OGDHL: variants seen among roughly 807,000 people sequenced by gnomAD.
The protein encoded by OGDHL is oxoglutarate dehydrogenase L.
OGDHL carries 79 observed loss-of-function variants against 109.6 expected under a neutral mutation model. The ratio of observed to expected loss-of-function variants is 0.72; its 90% CI spans 0.60 to 0.87. The LOEUF is 0.87. OGDHL is among the 40% of genes least tolerant of loss of function. The pLI is 0.00. For synonymous variants in OGDHL, 528 were observed against 537.2 expected (o/e 0.98, Z 0.24); for missense variants, 1,275 against 1,362.2 (o/e 0.94, Z 1.01).
In OGDHL at chr10:49,749,814, C is replaced by A. The variant is rs1304728737; in HGVS notation, c.899G>T (p.Gly300Val). 2 of 1,591,034 alleles carry A rather than the reference C, an allele frequency of 1.3e-6. No individual in the cohort carries two copies. The highest frequency in any genetic ancestry group is 1.7e-5 in the Admixed American group (1 of 57,882). The change falls in exon 8 of 23, where the codon GGA becomes GTA. Residue 300 changes from glycine (G) to valine (V), a missense_variant and splice_region_variant. By Grantham distance (109) the Gly-to-Val change is moderately radical. Coordinates refer to ENST00000374103, the MANE Select transcript of OGDHL (RefSeq NM_018245.3). ...CACGTTGGCCAGCACGTTCAGCCTTCCCCTGGAGCCAGAGGGGCCGGGCTC... is the reference window on the plus strand; with the variant it reads ...CACGTTGGCCAGCACGTTCAGCCTTACCCTGGAGCCAGAGGGGCCGGGCTC... ...ENVILGMPHRGRLNVLANVIR... is the reference protein window; with the variant it reads ...ENVILGMPHRVRLNVLANVIR...
chr10:49,738,421 C>A (rs1230073771), intron 17 of OGDHL, 159 bp from the exon 18 acceptor site: 2 of 683,358 alleles, frequency 2.9e-6, no homozygotes, highest in Non-Finnish European at 5.0e-6. Context: ...GAATGTGGAA[C>A]AAGAGCAGAA....
chr10:49,737,664 G>C, intron 20 of OGDHL, 122 bp downstream of exon 20: 1 of 1,037,630 alleles, frequency 9.6e-7, no homozygotes, highest in Middle Eastern at 3.0e-4. Context: ...CATGCCAGGA[G>C]CTGCTGCAGG....
intron 10 of OGDHL, among the ~76,000 whole-genome samples, chr10:49,746,234 T>C (rs1229918611): frequency 1.3e-5 from 2 of 152,204 alleles, no homozygotes; most frequent in Non-Finnish European, 1.5e-5. Context: ...GTGAGGAACA[T>C]AGGCCTGGAA....
intron 3 of OGDHL, among the ~76,000 whole-genome samples, chr10:49,753,544 A>T (rs918737867): frequency 1.3e-5 from 2 of 152,232 alleles, no homozygotes; most frequent in African/African-American, 4.8e-5. Flanking sequence ...AAAGACAAAC[A>T]GAAAAAAATT....
In OGDHL at chr10:49,739,821, G is replaced by A. The variant is rs1314617067; in HGVS notation, c.2159C>T (p.Ala720Val). The A allele has an allele frequency of 1.9e-6, 3 of 1,613,852 alleles. No individual in the cohort carries two copies. Among genetic ancestry groups the A allele is most frequent in the Non-Finnish European group, 2.5e-6 (3 of 1,179,862 alleles). The change falls in exon 17 of 23, where the codon GCC becomes GTC. Residue 720 changes from alanine to valine, a missense_variant. Coordinates refer to ENST00000374103, the MANE Select transcript of OGDHL (RefSeq NM_018245.3). ...YGVLGFELGYAMASPNALVLW... is the reference protein window; with the variant it reads ...YGVLGFELGYVMASPNALVLW... ...GACCAGGGCATTGGGGCTGGCCATG[G>A]CATAGCCCAGCTCAAAGCCTAAACA...
In OGDHL at chr10:49,736,085, C is replaced by A. The variant is rs916636493; in HGVS notation, c.2847G>T (p.Met949Ile). ...GTGGGCTGATGTAGTCATAGTAGCC[C>A]ATGTTCTTGTGCTCCTCCTGACACC... ...LAWCQEEHKNMGYYDYISPRF... is the reference protein window; with the variant it reads ...LAWCQEEHKNIGYYDYISPRF... Residue 949 changes from methionine to isoleucine, a missense_variant, in exon 22 of 23, where the codon ATG becomes ATT. Physicochemically the swap from Met to Ile is conservative, Grantham distance 10 (BLOSUM62 1). Coordinates refer to ENST00000374103, the MANE Select transcript of OGDHL (RefSeq NM_018245.3). The A allele has an allele frequency of 2.5e-6, 4 of 1,612,084 alleles. No homozygotes were observed. Among genetic ancestry groups the A allele is most frequent in the Non-Finnish European group, 3.4e-6 (4 of 1,178,958 alleles).
Position 49,750,958 on chromosome 10 carries a change from C to T in OGDHL, c.777G>A (p.Trp259Ter), listed in dbSNP as rs1358308101. 6.2e-7 allele frequency: 1 copy of T among 1,607,900 alleles called. No individual in the cohort carries two copies. The highest frequency in any genetic ancestry group is 8.5e-7 in the Non-Finnish European group (1 of 1,176,050). The part of the protein sequence containing the change: ...MRFEDFLARK[W>*]SSEKRFGLEG... The stretch of plus-strand genomic sequence containing the variant: ...CCAGGCCAAACCGCTTCTCTGAGGA[C>T]CATTTCCGGGCCAGGAAGTCTTCAA... Residue 259 changes from tryptophan (W) to a stop codon, truncating the protein, a stop_gained, in exon 7 of 23, where the codon TGG (tryptophan) becomes TGA (stop). Transcript: ENST00000374103. LOFTEE classifies it high-confidence loss of function.
intron 14 of OGDHL, among the ~76,000 whole-genome samples, chr10:49,743,381 C>T (rs1229457548): frequency 1.4e-5 from 2 of 138,876 alleles, no homozygotes; most frequent in African/African-American, 4.9e-5. Context: ...CAGCAGCTGC[C>T]CCAGGACATT....
intron 14 of OGDHL, chr10:49,743,536 G>A (rs993606260): frequency 1.2e-5 from 2 of 169,012 alleles, no homozygotes; most frequent in Non-Finnish European, 2.5e-5. Flanking sequence ...GGATGCAGTC[G>A]GTGACCACCC....
At chr10:49,756,216 C>T (rs976186582) in intron 3 of OGDHL, among the ~76,000 whole-genome samples, 12 of 152,170 alleles carry the variant, frequency 7.9e-5, no homozygotes, top group South Asian at 4.1e-4. Context: ...GCCTGAACAC[C>T]GCAGCAGTCC....
At chr10:49,760,736 C>T (rs982179959) in intron 1 of OGDHL, among the ~76,000 whole-genome samples, 2 of 152,216 alleles carry the variant, frequency 1.3e-5, no homozygotes, top group Non-Finnish European at 2.9e-5. Context: ...GTGCAAGAGG[C>T]TAAGCTGGCT....
intron 20 of OGDHL, 32 bp downstream of exon 20, chr10:49,737,754 G>T (rs376816639): frequency 3.7e-6 from 6 of 1,613,022 alleles, no homozygotes; most frequent in Non-Finnish European, 5.1e-6. Flanking sequence ...CCCCATTGTG[G>T]GCTACCCCAC....
intron 8 of OGDHL, among the ~76,000 whole-genome samples, chr10:49,748,684 T>C (rs1564545011): frequency 6.7e-6 from 1 of 149,914 alleles, no homozygotes; most frequent in Non-Finnish European, 1.5e-5. Context: ...CTGAAGGTGC[T>C]AGAACAAAAG....
chr10:49,752,514 G>A, intron 4 of OGDHL, 124 bp downstream of exon 4: 1 of 816,142 alleles, frequency 1.2e-6, no homozygotes. Flanking sequence ...GTAGAAAGGA[G>A]GCCCTGTGGG....
chr10:49,745,891 A>G lies in OGDHL; in HGVS notation c.1383T>C (p.His461=), dbSNP rs1842144673. 6 of 1,614,128 alleles carry G rather than the reference A, an allele frequency of 3.7e-6. No homozygotes were observed. The highest frequency in any genetic ancestry group is 5.1e-6 in the Non-Finnish European group (6 of 1,180,026). ...CAGCCTCTGGGTCATCGGCATTCAC[A>G]TGGAAGATAGGCGCATTGACCACCC... is the stretch of plus-strand genomic sequence containing the variant. ...VARVVNAPIF[H]VNADDPEAVI... The change falls in exon 11 of 23, where the codon CAT becomes CAC. Residue 461 remains histidine, a synonymous_variant. Coordinates refer to ENST00000374103, the MANE Select transcript of OGDHL (RefSeq NM_018245.3).
Position 49,737,933 on chromosome 10 carries a change from G to A in OGDHL, c.2517+14C>T. Reference sequence around the variant, plus strand: ...CCCCCTGCCTGTGACCCCTGCCCTGGGACGGAGACTCACCGGCTTGCGGAA... The same window carrying A: ...CCCCCTGCCTGTGACCCCTGCCCTGAGACGGAGACTCACCGGCTTGCGGAA... On this transcript the variant is annotated intron_variant, in intron 19 of 22. Transcript: ENST00000374103. 6.2e-7 allele frequency: 1 copy of A among 1,614,160 alleles called. No individual in the cohort carries two copies. The highest frequency in any genetic ancestry group is 8.5e-7 in the Non-Finnish European group (1 of 1,180,016).
chr10:49,761,001 A>G (rs189619802), intron 1 of OGDHL, among the ~76,000 whole-genome samples: 1 of 152,334 alleles, frequency 6.6e-6, no homozygotes, highest in East Asian at 1.9e-4. Context: ...TGGGTTGGCC[A>G]CTGGGCACTG....
chr10:49,746,536 C>T (rs1466246095), intron 10 of OGDHL, among the ~76,000 whole-genome samples: 2 of 152,190 alleles, frequency 1.3e-5, no homozygotes, highest in Non-Finnish European at 2.9e-5. Context: ...TACACAGGTG[C>T]TCCTTTGGTC....
At position 49,747,066 on chromosome 10, in the gene OGDHL, GC is replaced by G. The variant is rs1564542375; in HGVS notation, c.1129del (p.Ala377GlnfsTer37). The G allele has an allele frequency of 6.2e-7, 1 of 1,614,202 alleles. No individual in the cohort carries two copies. Among genetic ancestry groups the G allele is most frequent in the Non-Finnish European group, 8.5e-7 (1 of 1,180,038 alleles). On this transcript the variant is annotated frameshift_variant, in exon 9 of 23. Transcript: ENST00000374103. LOFTEE classifies it high-confidence loss of function. ...GGCATCTCCACGGTAGAACTGCTCT[GC>G]CTTTGTCTTCCCCTGCACCACAGGG... The part of the protein sequence containing the change: ...VDPVVQGKTK[A>X]EQFYRGDAQG...
Sources: allele counts gnomAD v4.1 joint callset (sites outside exome capture counted in the v4.1 genomes callset), GRCh38; gene constraint gnomAD v4.1.1; transcripts MANE v1.5; gene names NCBI Gene and HGNC (gene_info 2026-07-23, HGNC 2026-07-21).